The following DNAJC2 variants were observed in gnomAD, a reference collection of about 807,000 sequenced individuals.
The protein encoded by DNAJC2 is dnaJ homolog subfamily C member 2.
A neutral mutation model predicts 94.0 loss-of-function variants in DNAJC2; 32 were observed. That is an observed-to-expected ratio of 0.34 (90% CI 0.26 to 0.46). The LOEUF (loss-of-function observed/expected upper bound fraction) is 0.46. Among genes scored for constraint, DNAJC2 ranks in the 20% least tolerant of loss-of-function variants. The pLI is 1.00. For missense variants in DNAJC2, 550 were observed against 719.5 expected, an observed-to-expected ratio of 0.76 and a Z score of 2.69; for synonymous variants, 210 against 229.7, an observed-to-expected ratio of 0.91 and a Z score of 0.77.
chr7:103,318,962 A>G (rs959221081), intron 12 of DNAJC2, among the ~76,000 whole-genome samples: 5 of 152,186 alleles, frequency 3.3e-5, no homozygotes, highest in African/African-American at 1.2e-4. Context: ...TCATGCCTAT[A>G]ATCCTTTGGG....
At chr7:103,319,403 C>T (rs1185723083) in intron 12 of DNAJC2, among the ~76,000 whole-genome samples, 5 of 152,290 alleles carry the variant, frequency 3.3e-5, no homozygotes, top group African/African-American at 1.2e-4. Flanking sequence ...TGCCACTGCA[C>T]TCCAGCCTGG....
At position 103,321,945 on chromosome 7, in the gene DNAJC2, C is replaced by T. The variant is rs1342842029; in HGVS notation, c.1070G>A (p.Arg357Gln). Residue 357 changes from arginine to glutamine, a missense_variant, in exon 10 of 17, where the codon CGA (arginine) becomes CAA (glutamine). This residue lies in a region of DNAJC2 where 279 missense variants were observed against 416.9 expected (regional missense o/e 0.67). Coordinates refer to ENST00000379263, the MANE Select transcript of DNAJC2 (RefSeq NM_014377.3). ...KAIKKERQKL[R>Q]NSCKTWNHFS... The stretch of plus-strand genomic sequence containing the variant: ...AGTCTGATATACCTTGCATGAGTTT[C>T]GAAGTTTTTGCCTTTCCTTCTTAAT... 2.5e-6 allele frequency: 4 copies of T among 1,613,244 alleles called. No homozygotes were observed. The highest frequency in any genetic ancestry group is 3.4e-6 in the Non-Finnish European group (4 of 1,179,498).
At chr7:103,329,493 G>C (rs1818877846) in intron 3 of DNAJC2, 1 of 152,102 alleles carries the variant, frequency 6.6e-6, no homozygotes, top group Non-Finnish European at 1.5e-5. Context: ...TATTTACATT[G>C]ACTGATCATT....
chr7:103,344,138 A>C, intron 1 of DNAJC2: 5 of 175,944 alleles, frequency 2.8e-5, no homozygotes, highest in East Asian at 1.6e-4. Flanking sequence ...GGCCGGAGCA[A>C]ACGTAGAGAG....
intron 12 of DNAJC2, chr7:103,317,420 T>C (rs1358548458): frequency 1.9e-5 from 3 of 161,664 alleles, no homozygotes; most frequent in Admixed American, 6.4e-5. Flanking sequence ...AATGGCCTCT[T>C]TTATTTTGAA....
At chr7:103,314,657 A>G (rs1817947729) in intron 15 of DNAJC2, 1 of 985,278 alleles carries the variant, frequency 1.0e-6, no homozygotes, top group Non-Finnish European at 1.2e-6. Flanking sequence ...ACTTACCTTT[A>G]TTAAAAGAAC....
intron 15 of DNAJC2, chr7:103,313,764 GAT>G (rs1817891671): frequency 1.0e-6 from 1 of 985,088 alleles, no homozygotes; most frequent in Non-Finnish European, 1.2e-6. Flanking sequence ...AAACATCTAA[GAT>G]GTGTGTCAGA....
At chr7:103,318,309 G>A (rs554746964) in intron 12 of DNAJC2, among the ~76,000 whole-genome samples, 2 of 152,234 alleles carry the variant, frequency 1.3e-5, no homozygotes, top group East Asian at 3.9e-4. Flanking sequence ...GGGACTACAG[G>A]TACACGACAC....
chr7:103,324,994 C>T (rs117431978), intron 5 of DNAJC2, among the ~76,000 whole-genome samples: 224 of 152,342 alleles, frequency 1.5e-3, no homozygotes, highest in Middle Eastern at 3.4e-3. Context: ...CTCATCACCA[C>T]CACCACCTTC....
In DNAJC2 at chr7:103,312,587, T is replaced by C. The variant is rs1315698575; in HGVS notation, c.1848A>G (p.Ala616=). The change falls in exon 17 of 17, where the codon GCA becomes GCG. Residue 616 remains alanine (A), a synonymous_variant. Transcript: ENST00000379263. ...KKAAQEQVLN[A]SRAKK ...AAGATTGTCATTTCTTGGCTCTACT[T>C]GCATTCAGCACTTGTTCTTGAGCAG... 19 of 1,613,150 alleles carry C rather than the reference T, an allele frequency of 1.2e-5. No individual in the cohort carries two copies. In the East Asian group the frequency reaches 4.2e-4, roughly 36 times the overall value.
intron 15 of DNAJC2, chr7:103,314,139 G>A (rs1817913440): frequency 3.0e-6 from 3 of 985,386 alleles, no homozygotes; most frequent in African/African-American, 1.7e-5. Flanking sequence ...TAGCTTTTAA[G>A]TTCTAGGAAG....
At position 103,314,291 on chromosome 7, in the gene DNAJC2, G is replaced by A. The variant is rs73412168; in HGVS notation, c.1637-1190C>T. 7,377 of 985,318 alleles carry A rather than the reference G, an allele frequency of 7.5e-3. 396 individuals carry two copies. In the African/African-American group the frequency reaches 0.12, roughly 16 times the overall value. The allele number at this position is 985,318 out of a possible 1,614,324, so 61.0% of individuals were successfully genotyped here. A position where few individuals can be genotyped will look rare whatever the true frequency, so the allele number is the denominator to read the frequency against. ...TTCACAATACCAAAATAAATTAAAC[G>A]TACTGTTGCAAAACTCCTATGAGAA... On this transcript the variant is annotated intron_variant, in intron 15 of 16. Coordinates refer to ENST00000379263, the MANE Select transcript of DNAJC2 (RefSeq NM_014377.3).
chr7:103,334,972 T>A (rs967283564), intron 3 of DNAJC2, among the ~76,000 whole-genome samples: 2 of 152,072 alleles, frequency 1.3e-5, no homozygotes, highest in African/African-American at 4.8e-5. Context: ...TAGCTGGGAT[T>A]ACAGGCATGC....
At position 103,344,648 on chromosome 7, in the gene DNAJC2, G is replaced by C. The variant is rs1211304902; in HGVS notation, c.-26C>G. 3.1e-6 allele frequency: 5 copies of C among 1,604,106 alleles called. No homozygotes were observed. Among genetic ancestry groups the C allele is most frequent in the Non-Finnish European group, 4.2e-6 (5 of 1,179,234 alleles). ...GATGGCGCCGGGTCTAGCCCGGTGG[G>C]CGCAGCGGCTCACGTCCCGGGCGGA... On this transcript the variant is annotated 5_prime_UTR_variant, in exon 1 of 17. Coordinates refer to ENST00000379263, the MANE Select transcript of DNAJC2 (RefSeq NM_014377.3).
chr7:103,322,431 A>T (rs1010810137), intron 9 of DNAJC2, 80 bp downstream of exon 9: 76 of 1,287,650 alleles, frequency 5.9e-5, no homozygotes, highest in African/African-American at 1.4e-4. Context: ...AGTTTTTTTT[A>T]AAAAAAGATG....
chr7:103,344,736 C>T lies in DNAJC2; in HGVS notation c.-114G>A, dbSNP rs1819540088. The T allele has an allele frequency of 9.2e-7, 1 of 1,092,476 alleles. No homozygotes were observed. The highest frequency in any genetic ancestry group is 1.4e-6 in the Non-Finnish European group (1 of 740,546). 67.7% of individuals were successfully genotyped at this position (1,092,476 alleles called of 1,614,324 possible). ...CGAGCCTCGCGCCTTGGCTCTAAGA[C>T]GCCCAGGAACCGGCGCATGGAGACG... is the stretch of plus-strand genomic sequence containing the variant. On this transcript the variant is annotated 5_prime_UTR_variant, in exon 1 of 17. Transcript: ENST00000379263.
At chr7:103,327,887 T>C (rs1818790338) in intron 3 of DNAJC2, 133 bp from the exon 4 acceptor site, 2 of 558,826 alleles carry the variant, frequency 3.6e-6, no homozygotes, top group South Asian at 5.1e-5. Context: ...TATATGCTTA[T>C]TCAATGTGAA....
At chr7:103,315,713 C>T (rs1275508588) in intron 15 of DNAJC2, 51 bp downstream of exon 15, 14 of 1,239,604 alleles carry the variant, frequency 1.1e-5, no homozygotes, top group Non-Finnish European at 1.7e-5. Flanking sequence ...TACGTCCAAG[C>T]AGCACAGATA....
chr7:103,323,707 A>T (rs1043476124), intron 6 of DNAJC2, 44 bp from the exon 7 acceptor site: 1 of 1,285,070 alleles, frequency 7.8e-7, no homozygotes, highest in Non-Finnish European at 1.0e-6. Flanking sequence ...AGAATAAATG[A>T]AAAAAAATTC....
Sources: gnomAD v4.1 joint callset for allele counts (sites outside exome capture counted in the v4.1 genomes callset) on GRCh38, gnomAD v4.1.1 for gene constraint, gnomAD v4.1.1 regional missense constraint, MANE v1.5 for transcripts, NCBI Gene and HGNC (gene_info 2026-07-23, HGNC 2026-07-21) for gene names.